The following SLCO1B3 variants were observed in gnomAD, a reference collection of about 807,000 sequenced individuals.
The protein encoded by SLCO1B3 is liver-specific organic anion transporter 2.
In SLCO1B3, 72 loss-of-function variants were observed where a neutral mutation model predicts 71.8. That is an observed-to-expected ratio of 1.00 (90% confidence interval 0.83 to 1.22). SLCO1B3 has a LOEUF of 1.22. Among genes scored for constraint, SLCO1B3 ranks in the 50% most tolerant of loss-of-function variants. SLCO1B3 has a pLI of 0.00. For missense variants in SLCO1B3, 911 were observed against 819.7 expected, an observed-to-expected ratio of 1.11 and a Z score of -1.36; for synonymous variants, 298 against 278.4, an observed-to-expected ratio of 1.07 and a Z score of -0.70.
intron 4 of SLCO1B3, among the ~76,000 whole-genome samples, chr12:20,855,597 A>G (rs1026861121): frequency 2.0e-5 from 3 of 151,782 alleles, no homozygotes; most frequent in Non-Finnish European, 4.4e-5. Context: ...GAAGGACTGC[A>G]TAGGAGCAAC....
At chr12:20,914,734 C>T (rs950970637) in intron 15 of SLCO1B3, among the ~76,000 whole-genome samples, 16 of 152,072 alleles carry the variant, frequency 1.1e-4, no homozygotes, top group African/African-American at 3.6e-4. Context: ...GTTTGTATGA[C>T]AGTGTCTTTA....
intron 3 of SLCO1B3, among the ~76,000 whole-genome samples, chr12:20,837,374 T>A (rs2121157464): frequency 6.6e-6 from 1 of 152,248 alleles, no homozygotes; most frequent in South Asian, 2.1e-4. Flanking sequence ...TTTCATTTGC[T>A]GTTTTTTTCC....
At chr12:20,830,946 G>A (rs1864526459) in intron 3 of SLCO1B3, among the ~76,000 whole-genome samples, 2 of 152,162 alleles carry the variant, frequency 1.3e-5, no homozygotes, top group Non-Finnish European at 2.9e-5. Context: ...GCATAGCAAA[G>A]TGACAACAAA....
In SLCO1B3 at chr12:20,916,162, A is replaced by G. The variant is rs772110432; in HGVS notation, c.2024A>G (p.Asn675Ser). ...VMDEANLEFL[N>S]NGEHFVPSAG... ...GATGAAGCAAACTTAGAATTCTTAAATAATGGTGAACATTTTGTACCTTCT... is the reference window on the plus strand; with the variant it reads ...GATGAAGCAAACTTAGAATTCTTAAGTAATGGTGAACATTTTGTACCTTCT... Residue 675 changes from asparagine (N) to serine (S), a missense_variant, in exon 16 of 16, where the codon AAT becomes AGT. Physicochemically the swap from Asn to Ser is conservative, Grantham distance 46 (BLOSUM62 1). Transcript: ENST00000381545. 98 of 1,612,762 alleles carry G rather than the reference A, an allele frequency of 6.1e-5. No homozygotes were observed. The highest frequency in any genetic ancestry group is 7.9e-5 in the Non-Finnish European group (93 of 1,178,968).
intron 6 of SLCO1B3, among the ~76,000 whole-genome samples, chr12:20,861,929 T>C (rs1362214007): frequency 9.0e-6 from 1 of 111,176 alleles, no homozygotes; most frequent in African/African-American, 2.7e-5. Flanking sequence ...ATGACATCCA[T>C]GTTTAACAGA....
chr12:20,899,235 C>T (rs773726068), intron 14 of SLCO1B3, among the ~76,000 whole-genome samples: 2 of 152,166 alleles, frequency 1.3e-5, no homozygotes, highest in African/African-American at 2.4e-5. Flanking sequence ...TGCACAGATA[C>T]TTGTTGTTAA....
chr12:20,880,191 T>C (rs1367764352), intron 11 of SLCO1B3, among the ~76,000 whole-genome samples: 1 of 151,340 alleles, frequency 6.6e-6, no homozygotes, highest in African/African-American at 2.4e-5. Context: ...AATATAAAAT[T>C]ATATCTTATG....
At chr12:20,868,845 CAG>C (rs1321409330) in intron 8 of SLCO1B3, among the ~76,000 whole-genome samples, 8 of 152,266 alleles carry the variant, frequency 5.3e-5, no homozygotes, top group Admixed American at 6.5e-5. Flanking sequence ...GTCCACTAGA[CAG>C]GGGGCCCTTC....
intron 3 of SLCO1B3, among the ~76,000 whole-genome samples, chr12:20,842,428 A>T (rs1223664397): frequency 6.6e-6 from 1 of 152,178 alleles, no homozygotes; most frequent in Non-Finnish European, 1.5e-5. Flanking sequence ...AGGTTGATAT[A>T]TCAATATGTA....
At chr12:20,891,337 GATA>G (rs1300324352) in intron 13 of SLCO1B3, among the ~76,000 whole-genome samples, 1 of 151,710 alleles carries the variant, frequency 6.6e-6, no homozygotes, top group African/African-American at 2.4e-5. Context: ...TTAAGAGACT[GATA>G]ATAAGACCCT....
intron 3 of SLCO1B3, among the ~76,000 whole-genome samples, chr12:20,853,682 T>A (rs185751907): frequency 6.4e-4 from 98 of 152,084 alleles, no homozygotes; most frequent in African/African-American, 2.2e-3. Context: ...CAACTTGGGT[T>A]CATTAATTTT....
chr12:20,837,240 T>A (rs1864703697), intron 3 of SLCO1B3, among the ~76,000 whole-genome samples: 1 of 152,052 alleles, frequency 6.6e-6, no homozygotes, highest in Admixed American at 6.6e-5. Flanking sequence ...AGCCTATAAA[T>A]TTTATGGATC....
In SLCO1B3 at chr12:20,862,766, T is replaced by C. The variant is rs1865294677; in HGVS notation, c.639T>C (p.Asn213=). ...TTGTAATACTTACAGGTAGTTTGAATGCAATAGGAATGATTGGTCCAGTCA... is the reference window on the plus strand; with the variant it reads ...TTGTAATACTTACAGGTAGTTTGAACGCAATAGGAATGATTGGTCCAGTCA... ...GHSSLYLGSL[N]AIGMIGPVIG... is the part of the protein sequence containing the mutation. Residue 213 remains asparagine, a synonymous_variant, in exon 8 of 16, where the codon AAT becomes AAC. Coordinates refer to ENST00000381545, the MANE Select transcript of SLCO1B3 (RefSeq NM_019844.4). The C allele has an allele frequency of 5.6e-6, 9 of 1,607,658 alleles. No homozygotes were observed. The highest frequency in any genetic ancestry group is 6.8e-6 in the Non-Finnish European group (8 of 1,176,556).
At chr12:20,890,004 A>C in intron 13 of SLCO1B3, among the ~76,000 whole-genome samples, 1 of 151,332 alleles carries the variant, frequency 6.6e-6, no homozygotes, top group East Asian at 1.9e-4. Context: ...TGCAACCTCT[A>C]CCTCTTGGGT....
chr12:20,868,864 T>G (rs1865422884), intron 8 of SLCO1B3, among the ~76,000 whole-genome samples: 1 of 152,154 alleles, frequency 6.6e-6, no homozygotes, highest in Admixed American at 6.5e-5. Flanking sequence ...CTTCCCTGCC[T>G]GGCAGCCGAG....
At chr12:20,859,994 C>T (rs1242015205) in intron 5 of SLCO1B3, among the ~76,000 whole-genome samples, 7 of 136,694 alleles carry the variant, frequency 5.1e-5, no homozygotes, top group Admixed American at 8.2e-5. Flanking sequence ...TCTCGCTAGT[C>T]GCCCAGGCTG....
At chr12:20,862,290 A>G (rs1400635510) in intron 6 of SLCO1B3, 122 bp from the exon 7 acceptor site, 13 of 1,137,568 alleles carry the variant, frequency 1.1e-5, no homozygotes, top group Non-Finnish European at 1.5e-5. Flanking sequence ...GTGAATATGA[A>G]TCACTTGTAA....
rs141951795 is a variant in SLCO1B3, at chr12:20,896,986, C to T, written c.1683-1450C>T. ...TACAAAGCCATCAGATCTTGTGAGA[C>T]TTATTATCATGAGAACAGCACAGAA... On this transcript the variant is annotated intron_variant, in intron 13 of 15. Coordinates refer to ENST00000381545, the MANE Select transcript of SLCO1B3 (RefSeq NM_019844.4). Among the ~76,000 whole-genome samples the T allele has an allele frequency of 2.4e-4, 37 of 152,250 alleles. 1 individual carries two copies. Among genetic ancestry groups the T allele is most frequent in the African/African-American group, 8.9e-4 (37 of 41,546 alleles).
chr12:20,875,353 T>A lies in SLCO1B3; in HGVS notation c.846T>A (p.Asn282Lys). Residue 282 changes from asparagine (N) to lysine (K), a missense_variant, in exon 9 of 16, where the codon AAT (asparagine) becomes AAA (lysine). Transcript: ENST00000381545. ...SSIPFFFLPKNPNKPQKERKI... is the reference protein window; with the variant it reads ...SSIPFFFLPKKPNKPQKERKI... ...TACCATTTTTTTTCTTGCCGAAAAA[T>A]CCAAATAAACCACAAAAAGAAAGAA... is the stretch of plus-strand genomic sequence containing the variant. 1 of 1,613,182 alleles carries A rather than the reference T, an allele frequency of 6.2e-7. No individual in the cohort carries two copies.
Sources: allele counts gnomAD v4.1 joint callset (sites outside exome capture counted in the v4.1 genomes callset), GRCh38; gene constraint gnomAD v4.1.1; transcripts MANE v1.5; gene names NCBI Gene and HGNC (gene_info 2026-07-23, HGNC 2026-07-21).